CEP250: variants seen among roughly 807,000 people sequenced by gnomAD.
CEP250 encodes the protein centrosome-associated protein CEP250.
In CEP250, 242 loss-of-function variants were observed where a neutral mutation model predicts 315.7. The ratio of observed to expected loss-of-function variants is 0.77; its 90% CI spans 0.69 to 0.85. CEP250 has a LOEUF of 0.85. Ranked by LOEUF, CEP250 falls within the 40% of genes least tolerant of loss-of-function variation. The pLI is 0.00. For missense variants in CEP250, 2,515 were observed against 2,886.4 expected (o/e 0.87, Z 2.95); for synonymous variants, 1,088 against 1,175.0 (o/e 0.93, Z 1.51).
rs1276781008 is a variant in CEP250 at position 35,513,668 on chromosome 20, G to GT, written c.*2048dup. ...AGGCTCGGGCTGACAGAGGGTCCCT[G>GT]TTTTTTACCTTAGAGTTTCTTCTCA... On this transcript the variant is annotated 3_prime_UTR_variant, in exon 35 of 35. Coordinates refer to ENST00000397527, the MANE Select transcript of CEP250 (RefSeq NM_007186.6). The GT allele has an allele frequency of 1.3e-5, 2 of 152,186 alleles. No homozygotes were observed. The highest frequency in any genetic ancestry group is 4.8e-5 in the African/African-American group (2 of 41,428). The allele number at this position is 152,186 out of a possible 1,614,324, so 9.4% of individuals were successfully genotyped here.
chr20:35,481,295 A>G (rs1415651283), intron 20 of CEP250: 1 of 152,002 alleles, frequency 6.6e-6, no homozygotes, highest in Non-Finnish European at 1.5e-5. Context: ...GGTGGTACAC[A>G]CTGTAGTCCC....
intron 20 of CEP250, among the ~76,000 whole-genome samples, chr20:35,486,261 T>C (rs963342597): frequency 6.6e-6 from 1 of 152,064 alleles, no homozygotes; most frequent in Non-Finnish European, 1.5e-5. Flanking sequence ...GACAAGGTCT[T>C]GCTATTGCCC....
At position 35,462,510 on chromosome 20, in the gene CEP250, C is replaced by T. The variant is rs750633022; in HGVS notation, c.143C>T (p.Ala48Val). 6.2e-7 allele frequency: 1 copy of T among 1,609,614 alleles called. No individual in the cohort carries two copies. The highest frequency in any genetic ancestry group is 8.5e-7 in the Non-Finnish European group (1 of 1,178,026). The change falls in exon 4 of 35, where the codon GCC becomes GTC. Residue 48 changes from alanine to valine, a missense_variant. Ala to Val is a moderately conservative substitution (Grantham distance 64). Coordinates refer to ENST00000397527, the MANE Select transcript of CEP250 (RefSeq NM_007186.6). ...CGGAAGCTGAAGAACTCCCAGGAGG[C>T]CCAGCAGAGACAAGCAACCCTTGTG... ...SWRKLKNSQE[A>V]QQRQATLVRK... is the part of the protein sequence containing the mutation.
At position 35,462,512 on chromosome 20, in the gene CEP250, C is replaced by A; in HGVS notation, c.145C>A (p.Gln49Lys). The part of the protein sequence containing the change: ...WRKLKNSQEA[Q>K]QRQATLVRKL... ...GAAGCTGAAGAACTCCCAGGAGGCC[C>A]AGCAGAGACAAGCAACCCTTGTGAG... The change falls in exon 4 of 35, where the codon CAG becomes AAG. Residue 49 changes from glutamine (Q) to lysine (K), a missense_variant. Coordinates refer to ENST00000397527, the MANE Select transcript of CEP250 (RefSeq NM_007186.6). 1 of 1,609,626 alleles carries A rather than the reference C, an allele frequency of 6.2e-7. No homozygotes were observed. The highest frequency in any genetic ancestry group is 8.5e-7 in the Non-Finnish European group (1 of 1,178,000).
At position 35,511,462 on chromosome 20, in the gene CEP250, C is replaced by T; in HGVS notation, c.7165C>T (p.His2389Tyr). Residue 2389 changes from histidine to tyrosine, a missense_variant, in exon 35 of 35, where the codon CAC becomes TAC. Physicochemically the swap from His to Tyr is moderately conservative, Grantham distance 83. Coordinates refer to ENST00000397527, the MANE Select transcript of CEP250 (RefSeq NM_007186.6). ...QTSRELAGLH[H>Y]SLSHSLLAVA... Reference sequence around the variant, plus strand: ...CAGCCGTGAGCTAGCAGGCCTGCACCACAGCCTCTCACACTCACTTCTTGC... The same window carrying T: ...CAGCCGTGAGCTAGCAGGCCTGCACTACAGCCTCTCACACTCACTTCTTGC... The T allele has an allele frequency of 6.2e-7, 1 of 1,614,158 alleles. No homozygotes were observed. Among genetic ancestry groups the T allele is most frequent in the Non-Finnish European group, 8.5e-7 (1 of 1,180,036 alleles).
chr20:35,485,181 T>A (rs569758131), intron 20 of CEP250, among the ~76,000 whole-genome samples: 2 of 152,142 alleles, frequency 1.3e-5, no homozygotes, highest in East Asian at 3.9e-4. Context: ...AAGACCAGTC[T>A]GGCCAACATG....
intron 20 of CEP250, among the ~76,000 whole-genome samples, chr20:35,484,103 T>C (rs1190753537): frequency 6.6e-6 from 1 of 152,208 alleles, no homozygotes; most frequent in Non-Finnish European, 1.5e-5. Context: ...TTCTGTTGGC[T>C]CTTACTCATG....
At chr20:35,457,304 TTAGA>T (rs2062651888) in intron 1 of CEP250, among the ~76,000 whole-genome samples, 2 of 152,262 alleles carry the variant, frequency 1.3e-5, no homozygotes, top group Admixed American at 6.5e-5. Context: ...TACATAATAA[TTAGA>T]TAGGGACAGA....
chr20:35,462,444 C>T lies in CEP250; in HGVS notation c.77C>T (p.Ala26Val). Residue 26 changes from alanine to valine, a missense_variant, in exon 4 of 35, where the codon GCA (alanine) becomes GTA (valine). Transcript: ENST00000397527. The stretch of plus-strand genomic sequence containing the variant: ...CTGGTACTGGAAGAGCAGGTGCTGG[C>T]ACTACAGCAGCAGATGGCAGAGAAT... ...LQLVLEEQVLALQQQMAENQA... is the reference protein window; with the variant it reads ...LQLVLEEQVLVLQQQMAENQA... The T allele has an allele frequency of 6.2e-7, 1 of 1,605,626 alleles. No homozygotes were observed. The highest frequency in any genetic ancestry group is 1.7e-4 in the Middle Eastern group (1 of 6,048).
intron 21 of CEP250, 34 bp from the exon 22 acceptor site, chr20:35,491,178 G>C: frequency 6.2e-7 from 1 of 1,605,524 alleles, no homozygotes; most frequent in Non-Finnish European, 8.5e-7. Flanking sequence ...GTAATCCTGA[G>C]CCCACAAGCT....
intron 17 of CEP250, 28 bp from the exon 18 acceptor site, chr20:35,479,203 C>T: frequency 1.9e-6 from 3 of 1,605,382 alleles, no homozygotes; most frequent in East Asian, 2.2e-5. Flanking sequence ...AGCCTCTGCT[C>T]CATCTCTCAC....
chr20:35,469,640 A>G (rs1266949360), intron 9 of CEP250, among the ~76,000 whole-genome samples: 5 of 152,176 alleles, frequency 3.3e-5, no homozygotes, highest in Non-Finnish European at 7.4e-5. Flanking sequence ...TGGGCCCCCA[A>G]ACACGTGTTC....
At chr20:35,471,721 A>AT (rs1217045074) in intron 10 of CEP250, among the ~76,000 whole-genome samples, 1 of 152,204 alleles carries the variant, frequency 6.6e-6, no homozygotes, top group Non-Finnish European at 1.5e-5. Context: ...ATTTACATGC[A>AT]TTTTTCATTT....
In CEP250 at chr20:35,502,944, G is replaced by T; in HGVS notation, c.4575G>T (p.Glu1525Asp). ...KDRETQRNVL[E>D]HQLLELEKKD... is the part of the protein sequence containing the mutation. ...GGGAGACTCAGAGGAACGTCTTGGA[G>T]CATCAGCTTCTAGAACTTGAGAAGA... The change falls in exon 30 of 35, where the codon GAG (glutamate) becomes GAT (aspartate). Residue 1525 changes from glutamate (E) to aspartate (D), a missense_variant. Glu to Asp is a conservative substitution (Grantham distance 45, BLOSUM62 2). Transcript: ENST00000397527. The T allele has an allele frequency of 6.2e-7, 1 of 1,614,222 alleles. No homozygotes were observed. The highest frequency in any genetic ancestry group is 8.5e-7 in the Non-Finnish European group (1 of 1,180,044).
At chr20:35,479,209 C>G (rs1198989834) in intron 17 of CEP250, 22 bp from the exon 18 acceptor site, 2 of 1,609,060 alleles carry the variant, frequency 1.2e-6, no homozygotes, top group African/African-American at 1.3e-5. Context: ...TGCTCCATCT[C>G]TCACCACATT....
chr20:35,497,708 T>C lies in CEP250; in HGVS notation c.3307-11T>C. 2 of 1,534,728 alleles carry C rather than the reference T, an allele frequency of 1.3e-6. No individual in the cohort carries two copies. The highest frequency in any genetic ancestry group is 1.8e-4 in the Middle Eastern group (1 of 5,642). On this transcript the variant is annotated splice_polypyrimidine_tract_variant and intron_variant, in intron 25 of 34. Transcript: ENST00000397527. Reference sequence around the variant, plus strand: ...TTCCTGCTTATATTATGTAAAATTCTTCCTTGACAGATGGAATTACTAAGG... The same window carrying C: ...TTCCTGCTTATATTATGTAAAATTCCTCCTTGACAGATGGAATTACTAAGG...
Position 35,472,728 on chromosome 20 carries a change from T to G in CEP250, c.1106T>G (p.Leu369Trp). 1 of 1,614,152 alleles carries G rather than the reference T, an allele frequency of 6.2e-7. No homozygotes were observed. The highest frequency in any genetic ancestry group is 8.5e-7 in the Non-Finnish European group (1 of 1,179,994). ...CAAGGCTCTGGTCATGAGAACTCTT[T>G]GGAATTGGACTCTAGTATCTTCTCC... ...IAQGSGHENS[L>W]ELDSSIFSQF... Residue 369 changes from leucine to tryptophan, a missense_variant, in exon 12 of 35, where the codon TTG becomes TGG. By Grantham distance (61) the Leu-to-Trp change is moderately conservative. Transcript: ENST00000397527.
chr20:35,491,611 TA>T (rs1364513483), intron 22 of CEP250, among the ~76,000 whole-genome samples: 1 of 151,728 alleles, frequency 6.6e-6, no homozygotes, highest in Non-Finnish European at 1.5e-5. Flanking sequence ...CTACTAAAAA[TA>T]CAAAAATTAG....
In CEP250 at chr20:35,490,749, C is replaced by G; in HGVS notation, c.2699C>G (p.Ala900Gly). The change falls in exon 21 of 35, where the codon GCC becomes GGC. Residue 900 changes from alanine (A) to glycine (G), a missense_variant. By Grantham distance (60) the Ala-to-Gly change is moderately conservative (BLOSUM62 0). Transcript: ENST00000397527. Reference sequence around the variant, plus strand: ...AAGGAGCAGCAGACAGAAATGGAGGCCATCCAGGCCCAGAGGGAAGAAGAA... The same window carrying G: ...AAGGAGCAGCAGACAGAAATGGAGGGCATCCAGGCCCAGAGGGAAGAAGAA... ...RLKEQQTEME[A>G]IQAQREEERT... is the part of the protein sequence containing the mutation. 6.2e-7 allele frequency: 1 copy of G among 1,613,786 alleles called. No homozygotes were observed. Among genetic ancestry groups the G allele is most frequent in the Admixed American group, 1.7e-5 (1 of 60,004 alleles).
Sources: gnomAD v4.1 joint callset for allele counts (sites outside exome capture counted in the v4.1 genomes callset) on GRCh38, gnomAD v4.1.1 for gene constraint, MANE v1.5 for transcripts, NCBI Gene and HGNC (gene_info 2026-07-23, HGNC 2026-07-21) for gene names.